The following NLGN4X variants were observed in gnomAD, a reference collection of about 807,000 sequenced individuals.
NLGN4X encodes the protein neuroligin-4, X-linked.
NLGN4X carries 3 observed loss-of-function variants against 40.3 expected under a neutral mutation model. That is an observed-to-expected ratio of 0.07 (90% confidence interval 0.03 to 0.19). NLGN4X has a LOEUF of 0.19. Ranked by LOEUF, NLGN4X falls within the 10% of genes least tolerant of loss-of-function variation. The pLI is 1.00. For missense variants in NLGN4X, 382 were observed against 708.3 expected (o/e 0.54, Z 5.23); for synonymous variants, 270 against 306.8 (o/e 0.88, Z 1.25).
At chrX:6,065,711 C>A (rs182567065) in intron 2 of NLGN4X, among the ~76,000 whole-genome samples, 5,186 of 110,712 alleles carry the variant, frequency 0.047, 279 homozygotes, top group African/African-American at 0.15. Flanking sequence ...TTTATGGAAA[C>A]AAAAACAGAA....
At chrX:5,964,794 C>T (rs1280870075) in intron 3 of NLGN4X, among the ~76,000 whole-genome samples, 1 of 112,265 alleles carries the variant, frequency 8.9e-6, no homozygotes, top group Non-Finnish European at 1.9e-5. Context: ...ACTGGGATTA[C>T]AGGCATATGC....
At chrX:5,894,470 G>C (rs1420823231) in intron 5 of NLGN4X, among the ~76,000 whole-genome samples, 2 of 112,023 alleles carry the variant, frequency 1.8e-5, no homozygotes, top group Non-Finnish European at 3.8e-5. Flanking sequence ...TAAGAAGTTT[G>C]CTAAAATGGT....
intron 3 of NLGN4X, among the ~76,000 whole-genome samples, chrX:5,985,875 T>C (rs765797156): frequency 9.0e-6 from 1 of 111,554 alleles, no homozygotes; most frequent in African/African-American, 3.3e-5. Flanking sequence ...CATTAAGGCA[T>C]GAAGCACCAC....
chrX:6,061,039 G>A (rs956146271), intron 2 of NLGN4X, among the ~76,000 whole-genome samples: 1 of 111,953 alleles, frequency 8.9e-6, no homozygotes, highest in Non-Finnish European at 1.9e-5. Flanking sequence ...ACTTGCTTTG[G>A]CAGATGAAAC....
chrX:5,970,689 C>T (rs2034997589), intron 3 of NLGN4X, among the ~76,000 whole-genome samples: 1 of 111,890 alleles, frequency 8.9e-6, no homozygotes, highest in African/African-American at 3.2e-5. Context: ...TACCCATGTG[C>T]TTTTATTGTC....
At chrX:6,113,596 T>C (rs1001935500) in intron 2 of NLGN4X, among the ~76,000 whole-genome samples, 16 of 108,654 alleles carry the variant, frequency 1.5e-4, no homozygotes, top group African/African-American at 5.0e-4. Flanking sequence ...TCCTGAACTG[T>C]AAAAATGGCC....
intron 1 of NLGN4X, among the ~76,000 whole-genome samples, chrX:6,206,969 G>C (rs781638688): frequency 2.7e-5 from 3 of 110,860 alleles, no homozygotes; most frequent in Non-Finnish European, 3.8e-5. Context: ...AGGTATTTTA[G>C]TTTCAATCAC....
intron 2 of NLGN4X, among the ~76,000 whole-genome samples, chrX:6,101,376 T>C (rs1326697678): frequency 8.9e-6 from 1 of 111,954 alleles, no homozygotes; most frequent in South Asian, 3.7e-4. Flanking sequence ...CCCATGTTTG[T>C]TGCAGCTTTG....
At chrX:5,969,824 C>T (rs1388490846) in intron 3 of NLGN4X, among the ~76,000 whole-genome samples, 1 of 110,600 alleles carries the variant, frequency 9.0e-6, no homozygotes, top group African/African-American at 3.3e-5. Flanking sequence ...CACATATACA[C>T]CATGGAATAC....
At chrX:5,946,542 A>G (rs1264689439) in intron 3 of NLGN4X, among the ~76,000 whole-genome samples, 1 of 111,324 alleles carries the variant, frequency 9.0e-6, no homozygotes, top group East Asian at 2.8e-4. Flanking sequence ...ACACATAGGA[A>G]ACAGAGAGGG....
chrX:6,059,437 C>A (rs1185627267), intron 2 of NLGN4X, among the ~76,000 whole-genome samples: 6 of 111,753 alleles, frequency 5.4e-5, no homozygotes, highest in African/African-American at 2.0e-4. Flanking sequence ...CAGCACCTTA[C>A]AACATCTGTG....
chrX:6,116,073 C>G (rs943784189), intron 2 of NLGN4X, among the ~76,000 whole-genome samples: 8 of 108,416 alleles, frequency 7.4e-5, no homozygotes, highest in Non-Finnish European at 1.5e-4. Context: ...GTGGGTGCAT[C>G]AGGAGGTCAG....
rs186210240 is a variant in NLGN4X, at chrX:6,171,105, T to C, written c.-305-19334A>G. Among the ~76,000 whole-genome samples, 374 of 112,592 alleles carry C rather than the reference T, an allele frequency of 3.3e-3. 3 individuals carry two copies. The highest frequency in any genetic ancestry group is 0.011 in the African/African-American group (349 of 31,036). On this transcript the variant is annotated intron_variant, in intron 1 of 5. Transcript: ENST00000381095. ...TCCCAGAGTGCTGGGATTACAGGCG[T>C]GAGCCACTACACCTGGCCTTCTCTC...
At chrX:6,003,176 T>C (rs1297653315) in intron 3 of NLGN4X, among the ~76,000 whole-genome samples, 1 of 111,595 alleles carries the variant, frequency 9.0e-6, no homozygotes, top group Non-Finnish European at 1.9e-5. Flanking sequence ...GTCCAACGAC[T>C]GGGCCCGGAA....
intron 3 of NLGN4X, among the ~76,000 whole-genome samples, chrX:5,919,378 C>G (rs2032937975): frequency 9.0e-6 from 1 of 111,651 alleles, no homozygotes; most frequent in Non-Finnish European, 1.9e-5. Flanking sequence ...AGATACTCTC[C>G]CCATCTCAAA....
chrX:6,194,625 G>A, intron 1 of NLGN4X, among the ~76,000 whole-genome samples: 1 of 112,059 alleles, frequency 8.9e-6, no homozygotes, highest in East Asian at 2.8e-4. Context: ...TAAATTACAG[G>A]AAGACAAGAT....
At chrX:5,954,506 G>A (rs1404738154) in intron 3 of NLGN4X, among the ~76,000 whole-genome samples, 2 of 105,919 alleles carry the variant, frequency 1.9e-5, no homozygotes, top group African/African-American at 6.9e-5. Context: ...AAAGTGCTGG[G>A]ATTACAGGGA....
chrX:6,170,524 T>C (rs1256692774), intron 1 of NLGN4X, among the ~76,000 whole-genome samples: 1 of 111,908 alleles, frequency 8.9e-6, no homozygotes, highest in Non-Finnish European at 1.9e-5. Context: ...ATCTTGGCCT[T>C]ATCATTTTTC....
intron 1 of NLGN4X, among the ~76,000 whole-genome samples, chrX:6,185,245 T>C (rs1010811770): frequency 6.2e-5 from 7 of 112,161 alleles, no homozygotes; most frequent in Non-Finnish European, 1.3e-4. Context: ...ACATGGATCA[T>C]GTTACCTTCT....
Sources: gnomAD v4.1 joint callset for allele counts (sites outside exome capture counted in the v4.1 genomes callset) on GRCh38, gnomAD v4.1.1 for gene constraint, MANE v1.5 for transcripts, NCBI Gene and HGNC (gene_info 2026-07-23, HGNC 2026-07-21) for gene names.